The following HYDIN variants were observed in gnomAD, a reference collection of about 807,000 sequenced individuals.
HYDIN encodes axonemal central pair apparatus protein HYDIN.
A neutral mutation model predicts 403.9 loss-of-function variants in HYDIN; 132 were observed. The ratio of observed to expected loss-of-function variants is 0.33; its 90% CI spans 0.28 to 0.38. The LOEUF is 0.38. HYDIN is among the 10% of genes least tolerant of loss of function. The pLI is 1.00. For synonymous variants in HYDIN, 1,202 were observed against 1,891.7 expected (o/e 0.64, Z 9.46); for missense variants, 2,827 against 5,009.5 (o/e 0.56, Z 13.15).
chr16:70,806,656 G>A lies in HYDIN; in HGVS notation c.*924C>T, dbSNP rs1482920597. On this transcript the variant is annotated 3_prime_UTR_variant, in exon 86 of 86. Transcript: ENST00000393567. Reference sequence around the variant, plus strand: ...TTCCAGTCTCCTGCCCCTCTTGTAGGAGGGCTGTGGGGGATGAGTGTGGGG... The same window carrying A: ...TTCCAGTCTCCTGCCCCTCTTGTAGAAGGGCTGTGGGGGATGAGTGTGGGG... Among the ~76,000 whole-genome samples, 1 of 152,170 alleles carries A rather than the reference G, an allele frequency of 6.6e-6. No homozygotes were observed. Among genetic ancestry groups the A allele is most frequent in the Non-Finnish European group, 1.5e-5 (1 of 68,024 alleles).
chr16:71,060,362 T>A (rs2082038975), intron 18 of HYDIN, 142 bp downstream of exon 18: 1 of 685,894 alleles, frequency 1.5e-6, no homozygotes, highest in African/African-American at 1.8e-5. Flanking sequence ...AAAGAAGAAC[T>A]GGGGATGGGA....
chr16:70,924,846 A>T (rs1032607215), intron 45 of HYDIN, among the ~76,000 whole-genome samples: 1 of 102,912 alleles, frequency 9.7e-6, no homozygotes, highest in Non-Finnish European at 2.0e-5. Context: ...AGAATAGTTA[A>T]TAAACGCTGG....
intron 23 of HYDIN, among the ~76,000 whole-genome samples, chr16:71,008,393 T>C (rs2079960651): frequency 6.6e-6 from 1 of 152,154 alleles, no homozygotes; most frequent in Non-Finnish European, 1.5e-5. Flanking sequence ...CTCTCTGGGG[T>C]TGCTGTATGA....
At chr16:71,156,867 C>CT (rs1178689588) in intron 6 of HYDIN, among the ~76,000 whole-genome samples, 2 of 151,796 alleles carry the variant, frequency 1.3e-5, no homozygotes, top group Non-Finnish European at 2.9e-5. Context: ...CTGATACCTA[C>CT]TAGAGTTTTA....
intron 1 of HYDIN, among the ~76,000 whole-genome samples, chr16:71,207,763 G>T (rs1381840392): frequency 1.3e-5 from 2 of 152,016 alleles, no homozygotes; most frequent in Admixed American, 1.3e-4. Flanking sequence ...AAAAAGCAGA[G>T]GCTGCAATAC....
chr16:70,820,921 T>C (rs2036217814), intron 83 of HYDIN, among the ~76,000 whole-genome samples: 1 of 152,074 alleles, frequency 6.6e-6, no homozygotes, highest in African/African-American at 2.4e-5. Flanking sequence ...AGTGCTGGGA[T>C]TACAGGTGTG....
At chr16:71,218,625 T>C (rs901512976) in intron 1 of HYDIN, among the ~76,000 whole-genome samples, 5 of 152,344 alleles carry the variant, frequency 3.3e-5, no homozygotes, top group African/African-American at 7.2e-5. Flanking sequence ...TAACAAGCCA[T>C]ATTGTGAAAG....
At chr16:70,902,821 A>ATATATATATATTTTTTTTTTTT in intron 52 of HYDIN, among the ~76,000 whole-genome samples, 4 of 47,308 alleles carry the variant, frequency 8.5e-5, no homozygotes, top group South Asian at 7.5e-4. Flanking sequence ...ATATATATAT[A>ATATATATATATTTTTTTTTTTT]TTTTTTTTTT....
intron 1 of HYDIN, among the ~76,000 whole-genome samples, chr16:71,190,503 G>A (rs2087381732): frequency 6.6e-6 from 1 of 152,164 alleles, no homozygotes; most frequent in African/African-American, 2.4e-5. Context: ...CACTATTTTA[G>A]TATAAATTGC....
intron 12 of HYDIN, 176 bp from the exon 13 acceptor site, chr16:71,080,128 C>A: frequency 6.3e-6 from 3 of 479,352 alleles, no homozygotes; most frequent in East Asian, 3.2e-5. Flanking sequence ...TCTTAAAATT[C>A]TTTTTCATGA....
chr16:71,033,635 G>A (rs556698347), intron 18 of HYDIN, among the ~76,000 whole-genome samples: 8 of 152,006 alleles, frequency 5.3e-5, no homozygotes, highest in East Asian at 3.9e-4. Context: ...GTCAGGGGTC[G>A]GGGGGCAGGG....
rs968821125 is a variant in HYDIN at position 71,027,173 on chromosome 16, C to A, written c.3042+429G>T. The A allele has an allele frequency of 5.8e-5, 60 of 1,041,694 alleles. No individual in the cohort carries two copies. The African/African-American group carries it at 1.0e-3, about 18-fold the overall frequency. 64.5% of individuals were successfully genotyped at this position (1,041,694 alleles called of 1,614,324 possible). On this transcript the variant is annotated intron_variant, in intron 20 of 85. Coordinates refer to ENST00000393567, the MANE Select transcript of HYDIN (RefSeq NM_001270974.2). ...AGAAGATGTTTTGAAATGTGAGTTGCAGTCAGGCTGGAAAGAAAGGAACAG... is the reference window on the plus strand; with the variant it reads ...AGAAGATGTTTTGAAATGTGAGTTGAAGTCAGGCTGGAAAGAAAGGAACAG...
intron 41 of HYDIN, among the ~76,000 whole-genome samples, chr16:70,951,431 G>A (rs1196490025): frequency 6.6e-6 from 1 of 151,956 alleles, no homozygotes; most frequent in Non-Finnish European, 1.5e-5. Context: ...CACTCCCCTC[G>A]AGCATGCTCT....
At chr16:71,136,107 G>C (rs368788505) in intron 8 of HYDIN, among the ~76,000 whole-genome samples, 1 of 145,192 alleles carries the variant, frequency 6.9e-6, no homozygotes, top group African/African-American at 2.6e-5. Flanking sequence ...AGGTTGGAAG[G>C]AGATAAAAAT....
At chr16:70,870,683 T>G (rs2040038311) in intron 65 of HYDIN, among the ~76,000 whole-genome samples, 2 of 152,054 alleles carry the variant, frequency 1.3e-5, no homozygotes, top group Admixed American at 6.5e-5. Flanking sequence ...AAAAGCAGAT[T>G]ACCCTATTAT....
Position 71,162,732 on chromosome 16 carries a change from T to C in HYDIN, c.517-2A>G. On this transcript the variant is annotated splice_acceptor_variant, in intron 5 of 85. Transcript: ENST00000393567. LOFTEE classifies it high-confidence loss of function. ...ACAGGTCAACGTATGGGCGTAATCCTACAAGGGAAGGGTATGATCATTATT... is the reference window on the plus strand; with the variant it reads ...ACAGGTCAACGTATGGGCGTAATCCCACAAGGGAAGGGTATGATCATTATT... 1 of 633,918 alleles carries C rather than the reference T, an allele frequency of 1.6e-6. No individual in the cohort carries two copies. Among genetic ancestry groups the C allele is most frequent in the Admixed American group, 2.5e-5 (1 of 40,576 alleles). 39.3% of individuals were successfully genotyped at this position (633,918 alleles called of 1,614,324 possible). A position where few individuals can be genotyped will look rare whatever the true frequency, so the allele number is the denominator to read the frequency against.
intron 1 of HYDIN, among the ~76,000 whole-genome samples, chr16:71,215,443 C>T (rs235987): frequency 0.17 from 26,214 of 152,118 alleles, 2,929 homozygotes; most frequent in Middle Eastern, 0.38. Context: ...AATCATCACA[C>T]TGCCACTCCT....
chr16:71,161,618 G>A (rs1202667565), intron 6 of HYDIN, among the ~76,000 whole-genome samples: 1 of 152,184 alleles, frequency 6.6e-6, no homozygotes, highest in Non-Finnish European at 1.5e-5. Context: ...TCACCACGCT[G>A]AACTCTTCTG....
chr16:71,130,089 C>T (rs903565629), intron 8 of HYDIN, among the ~76,000 whole-genome samples: 1 of 152,218 alleles, frequency 6.6e-6, no homozygotes, highest in African/African-American at 2.4e-5. Context: ...CTCCTGAGCC[C>T]TTATGTATAT....
Sources: gnomAD v4.1 joint callset for allele counts (sites outside exome capture counted in the v4.1 genomes callset) on GRCh38, gnomAD v4.1.1 for gene constraint, MANE v1.5 for transcripts, NCBI Gene and HGNC (gene_info 2026-07-23, HGNC 2026-07-21) for gene names.